TIAM1: variants seen among roughly 807,000 people sequenced by gnomAD.
The protein encoded by TIAM1 is TIAM Rac1 associated GEF 1.
In TIAM1, 65 loss-of-function variants were observed where a neutral mutation model predicts 163.5. The ratio of observed to expected loss-of-function variants is 0.40; its 90% CI spans 0.33 to 0.49. The LOEUF (loss-of-function observed/expected upper bound fraction) is 0.49. Among genes scored for constraint, TIAM1 ranks in the 20% least tolerant of loss-of-function variants. The pLI, the probability that TIAM1 is intolerant of heterozygous loss-of-function variation, is 0.77. For synonymous variants in TIAM1, 833 were observed against 810.1 expected (o/e 1.03, Z -0.48); for missense variants, 1,789 against 2,044.7 (o/e 0.87, Z 2.41).
chr21:31,509,129 G>A (rs935784028), intron 1 of TIAM1, among the ~76,000 whole-genome samples: 6 of 152,106 alleles, frequency 3.9e-5, no homozygotes, highest in Non-Finnish European at 5.9e-5. Flanking sequence ...GCGTGCCTCC[G>A]TGGTGGAGAT....
In TIAM1 at chr21:31,465,781, T is replaced by A. The variant is rs377678431; in HGVS notation, c.-421-1746A>T. On this transcript the variant is annotated intron_variant, in intron 1 of 28. Coordinates refer to the TIAM1 transcript ENST00000286827. ...GAGACGGGGTTTCACCGTGTTAGCC[T>A]GGATGGTCTCAATCTCCTGACCTCA... Among the ~76,000 whole-genome samples, 409 of 152,276 alleles carry A rather than the reference T, an allele frequency of 2.7e-3. 2 individuals are homozygous for A. Among genetic ancestry groups the A allele is most frequent in the South Asian group, 0.018 (88 of 4,824 alleles).
chr21:31,515,248 G>T lies in TIAM1; in HGVS notation c.-422+43679C>A, dbSNP rs145688346. ...GGCCCCTTCTTCTTTTGTCTCTCTA[G>T]GAAAATCTCACCATCTTCTAGGTTG... On this transcript the variant is annotated intron_variant, in intron 1 of 28. Coordinates refer to the TIAM1 transcript ENST00000286827. 8.3e-3 allele frequency among the ~76,000 whole-genome samples: 1,257 copies of T among 152,196 alleles called. 13 individuals carry two copies. Among genetic ancestry groups the T allele is most frequent in the Non-Finnish European group, 0.014 (960 of 68,014 alleles).
At chr21:31,465,630 GT>G (rs2045499003) in intron 1 of TIAM1, among the ~76,000 whole-genome samples, 1 of 151,750 alleles carries the variant, frequency 6.6e-6, no homozygotes, top group Non-Finnish European at 1.5e-5. Context: ...GAGTGCAGTG[GT>G]GCGATCTTGG....
chr21:31,142,297 T>C (rs1263290409), intron 20 of TIAM1, among the ~76,000 whole-genome samples: 1 of 151,870 alleles, frequency 6.6e-6, no homozygotes, highest in Non-Finnish European at 1.5e-5. Flanking sequence ...CTTTCAAGCA[T>C]TTCACTGCTG....
At chr21:31,381,222 A>G (rs1272979392) in intron 2 of TIAM1, among the ~76,000 whole-genome samples, 2 of 152,162 alleles carry the variant, frequency 1.3e-5, no homozygotes, top group Non-Finnish European at 2.9e-5. Flanking sequence ...TTGAAATTCT[A>G]ATCCCTAAGG....
At chr21:31,178,864 G>A (rs1424125657) in intron 15 of TIAM1, among the ~76,000 whole-genome samples, 1 of 151,688 alleles carries the variant, frequency 6.6e-6, no homozygotes, top group African/African-American at 2.4e-5. Flanking sequence ...CGATTCTGCC[G>A]CCTCAGCCTC....
rs189798132 is a variant in TIAM1, at chr21:31,492,516, A to C, written c.-421-28481T>G. Among the ~76,000 whole-genome samples the C allele has an allele frequency of 1.3e-3, 192 of 152,296 alleles. 1 individual carries two copies. Among genetic ancestry groups the C allele is most frequent in the Non-Finnish European group, 5.6e-4 (38 of 68,022 alleles). Reference sequence around the variant, plus strand: ...TAAAGACTGATCAAGGACTCAAAAGAATGCAACCTTTTGTCTCTTATCTAC... The same window carrying C: ...TAAAGACTGATCAAGGACTCAAAAGCATGCAACCTTTTGTCTCTTATCTAC... On this transcript the variant is annotated intron_variant, in intron 1 of 28. Coordinates refer to the TIAM1 transcript ENST00000286827.
intron 2 of TIAM1, among the ~76,000 whole-genome samples, chr21:31,294,922 G>A (rs1010762155): frequency 2.0e-5 from 3 of 152,238 alleles, no homozygotes; most frequent in Non-Finnish European, 4.4e-5. Context: ...CTCTCACTCC[G>A]TCCCCACACT....
At chr21:31,385,706 A>G (rs1365765620) in intron 2 of TIAM1, among the ~76,000 whole-genome samples, 2 of 138,212 alleles carry the variant, frequency 1.4e-5, no homozygotes, top group Non-Finnish European at 3.1e-5. Flanking sequence ...AATATACTGC[A>G]CTGGAAGATT....
At chr21:31,223,307 C>A (rs1357171370) in intron 8 of TIAM1, 99 bp downstream of exon 8, 1 of 1,328,204 alleles carries the variant, frequency 7.5e-7, no homozygotes, top group Non-Finnish European at 1.0e-6. Flanking sequence ...CCATACACAG[C>A]AGGAAGCTCG....
In TIAM1 at chr21:31,429,834, CAT is replaced by C. The variant is rs529245078; in HGVS notation, c.-369+34147_-369+34148del. On this transcript the variant is annotated intron_variant, in intron 2 of 28. Transcript: ENST00000286827. Reference sequence around the variant, plus strand: ...ACCGCGAACTGGCTCCGCTACTCCACATGTTACTTTTCTTCTGGACTCCTGGC... The same window carrying C: ...ACCGCGAACTGGCTCCGCTACTCCACGTTACTTTTCTTCTGGACTCCTGGC... Among the ~76,000 whole-genome samples the C allele has an allele frequency of 2.1e-3, 315 of 151,890 alleles. 2 individuals carry two copies. Among genetic ancestry groups the C allele is most frequent in the East Asian group, 6.8e-3 (35 of 5,148 alleles).
intron 2 of TIAM1, among the ~76,000 whole-genome samples, chr21:31,314,837 G>A (rs1327330358): frequency 6.6e-6 from 1 of 152,150 alleles, no homozygotes; most frequent in Non-Finnish European, 1.5e-5. Flanking sequence ...GGACAAGGAT[G>A]CTTAGCACAC....
intron 1 of TIAM1, among the ~76,000 whole-genome samples, chr21:31,483,574 C>G (rs958470920): frequency 6.6e-6 from 1 of 151,974 alleles, no homozygotes; most frequent in Admixed American, 6.6e-5. Flanking sequence ...CCAGAGGATC[C>G]CAAGGGGCCA....
At chr21:31,494,387 G>T (rs1255815482) in intron 1 of TIAM1, among the ~76,000 whole-genome samples, 1 of 152,096 alleles carries the variant, frequency 6.6e-6, no homozygotes, top group Non-Finnish European at 1.5e-5. Context: ...TTCCAATGAA[G>T]AATCCTCTTT....
chr21:31,387,126 G>C (rs972797420), intron 2 of TIAM1, among the ~76,000 whole-genome samples: 3 of 150,876 alleles, frequency 2.0e-5, no homozygotes, highest in East Asian at 1.9e-4. Flanking sequence ...GAGATGTGGG[G>C]AGCCCCCGTC....
intron 2 of TIAM1, among the ~76,000 whole-genome samples, chr21:31,451,756 T>A (rs1485601249): frequency 3.4e-5 from 4 of 118,922 alleles, no homozygotes; most frequent in Non-Finnish European, 1.8e-5. Flanking sequence ...TGTGTGTGTG[T>A]GTGTGAGACA....
At chr21:31,365,388 T>TTTCC (rs369875605) in intron 2 of TIAM1, among the ~76,000 whole-genome samples, 1 of 100,272 alleles carries the variant, frequency 1.0e-5, no homozygotes, top group Non-Finnish European at 2.0e-5. Flanking sequence ...TATTTCTTTC[T>TTTCC]TTTTTTTTTT....
At chr21:31,184,723 C>G (rs1334028411) in intron 14 of TIAM1, among the ~76,000 whole-genome samples, 1 of 152,192 alleles carries the variant, frequency 6.6e-6, no homozygotes, top group African/African-American at 2.4e-5. Context: ...ATCCTGTCAT[C>G]TCTGCTCTTA....
rs563767063 is a variant in TIAM1, at chr21:31,123,619, T to C, written c.4306+903A>G. 2.6e-5 allele frequency among the ~76,000 whole-genome samples: 4 copies of C among 152,310 alleles called. No homozygotes were observed. The South Asian group carries it at 6.2e-4, about 24-fold the overall frequency. On this transcript the variant is annotated intron_variant, in intron 27 of 27. Transcript: ENST00000541036. Reference sequence around the variant, plus strand: ...AAACCTTCAAGCATTCACACTTCTGTCCATCCCTCTTCAATAGGTAGGATG... The same window carrying C: ...AAACCTTCAAGCATTCACACTTCTGCCCATCCCTCTTCAATAGGTAGGATG...
Sources: allele counts gnomAD v4.1 joint callset (sites outside exome capture counted in the v4.1 genomes callset), GRCh38; gene constraint gnomAD v4.1.1; transcripts MANE v1.5; gene names NCBI Gene and HGNC (gene_info 2026-07-23, HGNC 2026-07-21).